GPC6: variants seen among roughly 807,000 people sequenced by gnomAD.
GPC6 encodes glypican-6.
A neutral mutation model predicts 55.2 loss-of-function variants in GPC6; 14 were observed. The ratio of observed to expected loss-of-function variants is 0.25; its 90% CI spans 0.17 to 0.40. GPC6 has a LOEUF of 0.40. Among genes scored for constraint, GPC6 ranks in the 10% least tolerant of loss-of-function variants. The pLI, the probability that GPC6 is intolerant of heterozygous loss-of-function variation, is 1.00. For synonymous variants in GPC6, 278 were observed against 259.6 expected, an observed-to-expected ratio of 1.07 and a Z score of -0.68; for missense variants, 641 against 708.5, an observed-to-expected ratio of 0.90 and a Z score of 1.08.
chr13:93,673,163 AGG>A (rs1356005001), intron 2 of GPC6, among the ~76,000 whole-genome samples: 8 of 152,190 alleles, frequency 5.3e-5, no homozygotes, highest in African/African-American at 1.9e-4. Flanking sequence ...GGCAAGAAGG[AGG>A]AGGCAGAGCA....
intron 4 of GPC6, among the ~76,000 whole-genome samples, chr13:94,159,440 A>C (rs1021822660): frequency 4.6e-5 from 7 of 152,180 alleles, no homozygotes; most frequent in Non-Finnish European, 1.0e-4. Flanking sequence ...ACACAGCAGC[A>C]GGCAAGAGAG....
chr13:93,455,383 T>G (rs562446844), intron 1 of GPC6, among the ~76,000 whole-genome samples: 98 of 152,110 alleles, frequency 6.4e-4, no homozygotes, highest in Non-Finnish European at 1.1e-3. Flanking sequence ...GAAAAGAAAC[T>G]CAAGGAGGTT....
chr13:94,045,332 A>T (rs1883692118), intron 4 of GPC6, among the ~76,000 whole-genome samples: 1 of 152,090 alleles, frequency 6.6e-6, no homozygotes, highest in East Asian at 1.9e-4. Context: ...TTAAATTCAC[A>T]TACCAAATGT....
intron 4 of GPC6, among the ~76,000 whole-genome samples, chr13:94,270,718 G>T (rs146573499): frequency 6.6e-6 from 1 of 152,202 alleles, no homozygotes; most frequent in African/African-American, 2.4e-5. Flanking sequence ...TCACTTTGTC[G>T]CTAGGGGGAA....
intron 3 of GPC6, among the ~76,000 whole-genome samples, chr13:93,852,808 C>T (rs1187816537): frequency 9.9e-5 from 15 of 151,540 alleles, no homozygotes; most frequent in Admixed American, 9.9e-4. Context: ...GGCTATGATC[C>T]AGTTTCCAAT....
At chr13:94,308,103 G>T (rs189250371) in intron 6 of GPC6, among the ~76,000 whole-genome samples, 9 of 152,288 alleles carry the variant, frequency 5.9e-5, no homozygotes, top group Admixed American at 5.9e-4. Flanking sequence ...AGTTAAAATT[G>T]CACTGAATTT....
rs1196315147 is a variant in GPC6 at position 93,895,234 on chromosome 13, G to GTGTGTA, written c.711+64690_711+64691insGTGTAT. 6.4e-3 allele frequency among the ~76,000 whole-genome samples: 697 copies of GTGTGTA among 108,112 alleles called. 38 individuals carry two copies. The highest frequency in any genetic ancestry group is 0.01 in the Non-Finnish European group (542 of 52,106). 70.9% of individuals were successfully genotyped at this position (108,112 alleles called of 152,430 possible). ...TGTGTGTGTATGTATGTGTGTGTGT[G>GTGTGTA]TATATATATATATATATATATATAT... is the stretch of plus-strand genomic sequence containing the variant. On this transcript the variant is annotated intron_variant, in intron 3 of 8. Transcript: ENST00000377047.
At chr13:93,736,346 T>C (rs1354332037) in intron 2 of GPC6, among the ~76,000 whole-genome samples, 2 of 152,234 alleles carry the variant, frequency 1.3e-5, no homozygotes, top group African/African-American at 2.4e-5. Context: ...ATCCATGAAC[T>C]ATGAGTAATA....
At chr13:93,464,229 A>G (rs986776136) in intron 1 of GPC6, among the ~76,000 whole-genome samples, 9 of 152,138 alleles carry the variant, frequency 5.9e-5, no homozygotes, top group Non-Finnish European at 1.3e-4. Flanking sequence ...GTAGTTGCTG[A>G]AAGTTGGGGT....
chr13:93,230,742 T>A (rs1246074098), intron 1 of GPC6, among the ~76,000 whole-genome samples: 1 of 152,126 alleles, frequency 6.6e-6, no homozygotes, highest in Non-Finnish European at 1.5e-5. Context: ...TCCTCATTCA[T>A]CAGAATTATG....
intron 4 of GPC6, among the ~76,000 whole-genome samples, chr13:94,194,158 A>G (rs1889488117): frequency 6.6e-6 from 1 of 152,224 alleles, no homozygotes; most frequent in Non-Finnish European, 1.5e-5. Context: ...TATGTACAGT[A>G]TATGTATACT....
At chr13:93,833,056 G>T (rs28402108) in intron 3 of GPC6, among the ~76,000 whole-genome samples, 1 of 149,762 alleles carries the variant, frequency 6.7e-6, no homozygotes, top group African/African-American at 2.5e-5. Flanking sequence ...GATGGGTAGA[G>T]AGATAGATGG....
At chr13:94,215,318 A>G (rs955003895) in intron 4 of GPC6, among the ~76,000 whole-genome samples, 1 of 152,104 alleles carries the variant, frequency 6.6e-6, no homozygotes, top group Non-Finnish European at 1.5e-5. Context: ...ATCTGCTTCT[A>G]TGAATTCTAG....
At chr13:93,533,953 G>T (rs1881960436) in intron 1 of GPC6, among the ~76,000 whole-genome samples, 1 of 152,082 alleles carries the variant, frequency 6.6e-6, no homozygotes, top group Non-Finnish European at 1.5e-5. Flanking sequence ...GGGAAGCAAT[G>T]TTCAAACAGA....
intron 4 of GPC6, among the ~76,000 whole-genome samples, chr13:94,269,934 T>G (rs1891938532): frequency 6.6e-6 from 1 of 152,236 alleles, no homozygotes; most frequent in South Asian, 2.1e-4. Context: ...GATGTTGTGG[T>G]GCAGGCAGGA....
intron 3 of GPC6, among the ~76,000 whole-genome samples, chr13:94,004,977 G>A (rs542418056): frequency 1.3e-5 from 2 of 151,982 alleles, no homozygotes; most frequent in Non-Finnish European, 2.9e-5. Flanking sequence ...CAGGAGAATC[G>A]CTTAAACCCC....
intron 4 of GPC6, among the ~76,000 whole-genome samples, chr13:94,114,096 CAAAAAAAAAAAAAAA>C (rs10581935): frequency 2.0e-4 from 7 of 34,366 alleles, no homozygotes; most frequent in African/African-American, 6.9e-4. Flanking sequence ...TTAGCTTTAT[CAAAAAAAAAAAAAAA>C]AAAAAAAAAA....
chr13:93,233,683 C>T lies in GPC6; in HGVS notation c.160+6067C>T, dbSNP rs1024293567. Among the ~76,000 whole-genome samples, 32 of 152,124 alleles carry T rather than the reference C, an allele frequency of 2.1e-4. 1 individual carries two copies. The highest frequency in any genetic ancestry group is 2.6e-4 in the Admixed American group (4 of 15,274). ...AGAATAATGGGTTCTGAAGCATGGG[C>T]GCCCTTCAGTAAGGAAGCAGGAGTG... On this transcript the variant is annotated intron_variant, in intron 1 of 8. Transcript: ENST00000377047.
rs369733122 is a variant in GPC6 at position 93,597,354 on chromosome 13, T to A, written c.319+51933T>A. On this transcript the variant is annotated intron_variant, in intron 2 of 8. Transcript: ENST00000377047. Reference sequence around the variant, plus strand: ...GATAAAATCTCCTCAAGGCTGCCTTTCCCTATGGTGGTGTGAAGTTACACA... The same window carrying A: ...GATAAAATCTCCTCAAGGCTGCCTTACCCTATGGTGGTGTGAAGTTACACA... Among the ~76,000 whole-genome samples, 91 of 152,296 alleles carry A rather than the reference T, an allele frequency of 6.0e-4. 1 individual carries two copies. Among genetic ancestry groups the A allele is most frequent in the African/African-American group, 2.1e-3 (88 of 41,566 alleles).
Sources: gnomAD v4.1 joint callset for allele counts (sites outside exome capture counted in the v4.1 genomes callset) on GRCh38, gnomAD v4.1.1 for gene constraint, MANE v1.5 for transcripts, NCBI Gene and HGNC (gene_info 2026-07-23, HGNC 2026-07-21) for gene names.